Variants in MFHAS1 observed in about 807,000 individuals in gnomAD.
MFHAS1 encodes malignant fibrous histiocytoma-amplified sequence 1.
A neutral mutation model predicts 70.4 loss-of-function variants in MFHAS1; 50 were observed. The ratio of observed to expected loss-of-function variants is 0.71; its 90% CI spans 0.57 to 0.90. MFHAS1 has a LOEUF of 0.90. Ranked by LOEUF, MFHAS1 falls within the 40% of genes least tolerant of loss-of-function variation. The pLI, the probability that MFHAS1 is intolerant of heterozygous loss-of-function variation, is 0.00. For missense variants in MFHAS1, 1,795 were observed against 1,347.6 expected (o/e 1.33, Z -5.20); for synonymous variants, 952 against 620.0 (o/e 1.54, Z -7.96).
chr8:8,844,149 A>G (rs528325890), intron 1 of MFHAS1, among the ~76,000 whole-genome samples: 1 of 152,342 alleles, frequency 6.6e-6, no homozygotes, highest in African/African-American at 2.4e-5. Context: ...ACCTAGCAAG[A>G]GAACTGTGGG....
chr8:8,859,245 G>A (rs1318638652), intron 1 of MFHAS1, among the ~76,000 whole-genome samples: 2 of 152,196 alleles, frequency 1.3e-5, no homozygotes, highest in African/African-American at 2.4e-5. Context: ...CTGGGAGGCT[G>A]AGGCAGGAGA....
chr8:8,890,507 G>A lies in MFHAS1; in HGVS notation c.2552C>T (p.Pro851Leu). ...LNGSTAWYKF[P>L]CYVQNEVPHA... is the part of the protein sequence containing the mutation. ...GGGCACCTCGTTCTGCACATAGCAT[G>A]GGAACTTGTACCAAGCTGTGGACCC... The change falls in exon 1 of 3, where the codon CCA becomes CTA. Residue 851 changes from proline (P) to leucine (L), a missense_variant. By Grantham distance (98) the Pro-to-Leu change is moderately conservative. Transcript: ENST00000276282. The A allele has an allele frequency of 6.2e-7, 1 of 1,613,610 alleles. No homozygotes were observed. Among genetic ancestry groups the A allele is most frequent in the Non-Finnish European group, 8.5e-7 (1 of 1,180,054 alleles).
chr8:8,841,398 CCAG>C (rs1371066435), intron 1 of MFHAS1, among the ~76,000 whole-genome samples: 3 of 152,044 alleles, frequency 2.0e-5, no homozygotes, highest in African/African-American at 7.2e-5. Context: ...TCGCTTGAAC[CCAG>C]GAGGCAGAGT....
At chr8:8,797,973 A>G (rs1473549963) in intron 1 of MFHAS1, among the ~76,000 whole-genome samples, 1 of 152,228 alleles carries the variant, frequency 6.6e-6, no homozygotes, top group Non-Finnish European at 1.5e-5. Context: ...AAAAGTGTTA[A>G]AAACACAAAC....
intron 1 of MFHAS1, among the ~76,000 whole-genome samples, chr8:8,825,132 T>TAACAC (rs1464844323): frequency 2.0e-5 from 3 of 152,218 alleles, no homozygotes; most frequent in Non-Finnish European, 4.4e-5. Flanking sequence ...AAGGCTATCA[T>TAACAC]AACACAGGAC....
At chr8:8,849,938 A>T (rs746956024) in intron 1 of MFHAS1, among the ~76,000 whole-genome samples, 1 of 152,246 alleles carries the variant, frequency 6.6e-6, no homozygotes, top group Non-Finnish European at 1.5e-5. Context: ...TCTCTGAAGA[A>T]GCTGCTAGAC....
chr8:8,891,082 C>G lies in MFHAS1; in HGVS notation c.1977G>C (p.Leu659=). The part of the protein sequence containing the change: ...REIFPNLHRV[L]PRSWQVLEEL... ...CCTCCAGCACCTGCCAGGATCGAGG[C>G]AGTACTCTGTGTAAGTTGGGGAAGA... is the stretch of plus-strand genomic sequence containing the variant. The change falls in exon 1 of 3, where the codon CTG becomes CTC. Residue 659 remains leucine, a synonymous_variant. Coordinates refer to ENST00000276282, the MANE Select transcript of MFHAS1 (RefSeq NM_004225.3). This position sits in a 1 kb window ranked among gnomAD's most constrained non-coding sequence, Gnocchi z 5.4. 1 of 1,613,784 alleles carries G rather than the reference C, an allele frequency of 6.2e-7. No individual in the cohort carries two copies. Among genetic ancestry groups the G allele is most frequent in the South Asian group, 1.1e-5 (1 of 91,066 alleles).
intron 1 of MFHAS1, among the ~76,000 whole-genome samples, chr8:8,827,902 A>AT (rs1207621310): frequency 2.0e-5 from 3 of 151,642 alleles, no homozygotes; most frequent in African/African-American, 7.3e-5. Flanking sequence ...AGACAATTTA[A>AT]TTTCTTTTTT....
rs74589738 is a variant in MFHAS1 at position 8,823,529 on chromosome 8, G to C, written c.2999-26038C>G. On this transcript the variant is annotated intron_variant, in intron 1 of 2. Transcript: ENST00000276282. ...CTAGGGTCTCTTCGAGCTTTAAATAGTCTGTTCCAGCTTAAAATACTGTAA... is the reference window on the plus strand; with the variant it reads ...CTAGGGTCTCTTCGAGCTTTAAATACTCTGTTCCAGCTTAAAATACTGTAA... 2.8e-3 allele frequency among the ~76,000 whole-genome samples: 422 copies of C among 152,180 alleles called. 2 individuals carry two copies. The highest frequency in any genetic ancestry group is 9.8e-3 in the African/African-American group (408 of 41,522).
chr8:8,892,929 C>CGGCCCCGGGGCA lies in MFHAS1; in HGVS notation c.118_129dup (p.Cys40_Ala43dup). On this transcript the variant is annotated inframe_insertion, in exon 1 of 3. Transcript: ENST00000276282. The surrounding 1 kb of genome is among the most constrained non-coding windows in gnomAD (Gnocchi z 4.7). ...GCGGGGGACTCGAGCGCGTCGGCCC[C>CGGCCCCGGGGCA]GGCCCCGGGGCAGGCCCCGGCGGCG... The CGGCCCCGGGGCA allele has an allele frequency of 1.2e-5, 19 of 1,551,358 alleles. No individual in the cohort carries two copies. Among genetic ancestry groups the CGGCCCCGGGGCA allele is most frequent in the African/African-American group, 2.8e-5 (2 of 71,244 alleles).
chr8:8,808,341 C>A (rs1330803036), intron 1 of MFHAS1, among the ~76,000 whole-genome samples: 1 of 152,222 alleles, frequency 6.6e-6, no homozygotes, highest in Non-Finnish European at 1.5e-5. Context: ...CCCAGTGTCC[C>A]CACGCTGTAA....
chr8:8,827,462 A>C (rs906502345), intron 1 of MFHAS1, among the ~76,000 whole-genome samples: 4 of 152,238 alleles, frequency 2.6e-5, no homozygotes, highest in African/African-American at 9.6e-5. Context: ...AATTTCACAG[A>C]TGAAAACAAT....
intron 1 of MFHAS1, among the ~76,000 whole-genome samples, chr8:8,798,934 G>A (rs576111348): frequency 6.6e-6 from 1 of 151,976 alleles, no homozygotes; most frequent in Non-Finnish European, 1.5e-5. Flanking sequence ...TGTAGTCCCA[G>A]CTACCCAGGA....
At chr8:8,879,412 C>T (rs961226779) in intron 1 of MFHAS1, among the ~76,000 whole-genome samples, 9 of 152,084 alleles carry the variant, frequency 5.9e-5, no homozygotes, top group East Asian at 3.9e-4. Flanking sequence ...AAGGCTGATT[C>T]GTTTGGGAAG....
In MFHAS1 at chr8:8,891,497, T is replaced by TG; in HGVS notation, c.1561dup (p.His521ProfsTer26). 6.2e-7 allele frequency: 1 copy of TG among 1,613,082 alleles called. No individual in the cohort carries two copies. The highest frequency in any genetic ancestry group is 8.5e-7 in the Non-Finnish European group (1 of 1,180,024). On this transcript the variant is annotated frameshift_variant, in exon 1 of 3. Transcript: ENST00000276282. LOFTEE classifies it high-confidence loss of function. This position sits in a 1 kb window ranked among gnomAD's most constrained non-coding sequence, Gnocchi z 5.4. ...GTGGGGCACTCTCGCCCCGACCCGATGCAAGAAGGAGCCCACGGTGGTAGG... is the reference window on the plus strand; with the variant it reads ...GTGGGGCACTCTCGCCCCGACCCGATGGCAAGAAGGAGCCCACGGTGGTAGG...
chr8:8,839,288 C>T (rs908969275), intron 1 of MFHAS1, among the ~76,000 whole-genome samples: 2 of 152,064 alleles, frequency 1.3e-5, no homozygotes, highest in African/African-American at 4.8e-5. Context: ...ACTCTAATTT[C>T]TCCACATCTT....
chr8:8,802,049 A>AATCCTAG (rs1806100386), intron 1 of MFHAS1, among the ~76,000 whole-genome samples: 1 of 152,090 alleles, frequency 6.6e-6, no homozygotes, highest in African/African-American at 2.4e-5. Flanking sequence ...AATAAGCCTA[A>AATCCTAG]GTTAATCCAG....
chr8:8,889,306 C>G (rs774271331), intron 1 of MFHAS1, among the ~76,000 whole-genome samples: 18 of 152,174 alleles, frequency 1.2e-4, no homozygotes, highest in Non-Finnish European at 2.2e-4. Context: ...AGTCATCTAT[C>G]TTCCATGTCC....
chr8:8,839,293 C>T (rs941471231), intron 1 of MFHAS1, among the ~76,000 whole-genome samples: 6 of 152,246 alleles, frequency 3.9e-5, no homozygotes, highest in African/African-American at 1.4e-4. Flanking sequence ...AATTTCTCCA[C>T]ATCTTCATCC....
Sources: allele counts gnomAD v4.1 joint callset (sites outside exome capture counted in the v4.1 genomes callset), GRCh38; gene constraint gnomAD v4.1.1; non-coding constraint Gnocchi (gnomAD v3.1); transcripts MANE v1.5; gene names NCBI Gene and HGNC (gene_info 2026-07-23, HGNC 2026-07-21).